TGFBR3: variants seen among roughly 807,000 people sequenced by gnomAD.
TGFBR3 encodes the protein transforming growth factor beta receptor type 3.
A neutral mutation model predicts 87.9 loss-of-function variants in TGFBR3; 46 were observed. That is an observed-to-expected ratio of 0.52 (90% CI 0.41 to 0.67). The LOEUF is 0.67. Among genes scored for constraint, TGFBR3 ranks in the 30% least tolerant of loss-of-function variants. The pLI, the probability that TGFBR3 is intolerant of heterozygous loss-of-function variation, is 0.00. For synonymous variants in TGFBR3, 381 were observed against 391.6 expected (o/e 0.97, Z 0.32); for missense variants, 866 against 1,041.9 (o/e 0.83, Z 2.32).
At chr1:91,737,914 A>T (rs1183396831) in intron 4 of TGFBR3, among the ~76,000 whole-genome samples, 1 of 152,198 alleles carries the variant, frequency 6.6e-6, no homozygotes, top group African/African-American at 2.4e-5. Flanking sequence ...TATTTGGCCA[A>T]ACATTATTCT....
chr1:91,749,302 T>G (rs766408851), intron 4 of TGFBR3, among the ~76,000 whole-genome samples: 3 of 152,142 alleles, frequency 2.0e-5, no homozygotes, highest in Non-Finnish European at 2.9e-5. Flanking sequence ...GAAGACCCCC[T>G]GACTTCCAGG....
intron 4 of TGFBR3, among the ~76,000 whole-genome samples, chr1:91,737,885 T>G (rs369392569): frequency 1.1e-4 from 17 of 152,244 alleles, no homozygotes; most frequent in African/African-American, 4.1e-4. Flanking sequence ...TCAACTTGAC[T>G]GGGCCACAGG....
chr1:91,694,755 C>A (rs1056037545), intron 16 of TGFBR3, among the ~76,000 whole-genome samples: 1 of 152,156 alleles, frequency 6.6e-6, no homozygotes, highest in Non-Finnish European at 1.5e-5. Context: ...TTGCCTCTGA[C>A]GGATCAATCT....
intron 3 of TGFBR3, among the ~76,000 whole-genome samples, chr1:91,776,220 G>A (rs943718047): frequency 1.3e-5 from 2 of 152,336 alleles, no homozygotes; most frequent in African/African-American, 4.8e-5. Flanking sequence ...AATGGGAGCG[G>A]GAGCAAGGGA....
Position 91,716,639 on chromosome 1 carries a change from C to T in TGFBR3, c.1636G>A (p.Gly546Ser). ...ATATCTCCCGGAAATCCATTATCAC[C>T]TGACTCCAGATCTTCATAACCATCT... The part of the protein sequence containing the change: ...WPDGYEDLES[G>S]DNGFPGDMDE... The change falls in exon 11 of 17, where the codon GGT (glycine) becomes AGT (serine). Residue 546 changes from glycine (G) to serine (S), a missense_variant. By Grantham distance (56) the Gly-to-Ser change is moderately conservative. Coordinates refer to ENST00000212355, the MANE Select transcript of TGFBR3 (RefSeq NM_003243.5). 6.2e-7 allele frequency: 1 copy of T among 1,614,152 alleles called. No individual in the cohort carries two copies. The highest frequency in any genetic ancestry group is 8.5e-7 in the Non-Finnish European group (1 of 1,180,008).
intron 2 of TGFBR3, among the ~76,000 whole-genome samples, chr1:91,845,479 T>C (rs1009799471): frequency 3.9e-5 from 6 of 152,234 alleles, no homozygotes; most frequent in African/African-American, 1.4e-4. Flanking sequence ...GCTGTCTCCG[T>C]TGCCTTCAGA....
intron 1 of TGFBR3, among the ~76,000 whole-genome samples, chr1:91,865,913 C>CAAA (rs11330651): frequency 9.2e-6 from 1 of 108,844 alleles, no homozygotes; most frequent in Admixed American, 9.2e-5. Context: ...CTACGTCTCC[C>CAAA]AAAAAAAAAA....
At chr1:91,684,384 C>T (rs1321107299) in intron 16 of TGFBR3, among the ~76,000 whole-genome samples, 1 of 152,168 alleles carries the variant, frequency 6.6e-6, no homozygotes. Context: ...GTAGAGAGAG[C>T]CTTGTGTGCC....
At chr1:91,878,622 C>T (rs1243978051) in intron 1 of TGFBR3, among the ~76,000 whole-genome samples, 2 of 152,166 alleles carry the variant, frequency 1.3e-5, no homozygotes, top group Admixed American at 1.3e-4. Context: ...TGCAGACCTT[C>T]GCCCAAGGCA....
At chr1:91,701,556 A>T (rs1671621022) in intron 14 of TGFBR3, among the ~76,000 whole-genome samples, 1 of 152,222 alleles carries the variant, frequency 6.6e-6, no homozygotes, top group Non-Finnish European at 1.5e-5. Context: ...TCTGAATTAA[A>T]TCTTTTCATA....
upstream of TGFBR3, among the ~76,000 whole-genome samples, chr1:91,888,643 A>G (rs1450009006): frequency 1.3e-5 from 2 of 152,142 alleles, no homozygotes; most frequent in African/African-American, 4.8e-5. Flanking sequence ...CAGAGGTTGC[A>G]GTGAGCTGAG....
chr1:91,695,728 G>C lies in TGFBR3; in HGVS notation c.2381C>G (p.Ala794Gly), dbSNP rs887809188. ...CGTCAGGAGTGCTCCGATCACAAAG[G>C]CTGCAAACGCAATGCCCATCACGGT... Reference protein sequence around the residue: ...TLTVMGIAFAAFVIGALLTGA... With the variant: ...TLTVMGIAFAGFVIGALLTGA... Residue 794 changes from alanine (A) to glycine (G), a missense_variant, in exon 16 of 17, where the codon GCC becomes GGC. Physicochemically the swap from Ala to Gly is moderately conservative, Grantham distance 60. Coordinates refer to ENST00000212355, the MANE Select transcript of TGFBR3 (RefSeq NM_003243.5). The C allele has an allele frequency of 1.2e-6, 2 of 1,614,172 alleles. No homozygotes were observed. Among genetic ancestry groups the C allele is most frequent in the Admixed American group, 3.3e-5 (2 of 60,020 alleles).
intron 3 of TGFBR3, among the ~76,000 whole-genome samples, chr1:91,793,475 C>T (rs141404863): frequency 2.3e-3 from 356 of 152,158 alleles, no homozygotes; most frequent in African/African-American, 4.3e-3. Flanking sequence ...TTGTAAGTAA[C>T]GGCACTTATT....
At chr1:91,886,385 G>GCTTC, upstream of TGFBR3, 1 of 339,690 alleles carries the variant, frequency 2.9e-6, no homozygotes, top group South Asian at 2.2e-5. Flanking sequence ...TCGAGCCTGT[G>GCTTC]CTTCCCTTCG....
intron 7 of TGFBR3, among the ~76,000 whole-genome samples, chr1:91,726,154 G>A (rs567213154): frequency 6.6e-6 from 1 of 152,220 alleles, no homozygotes; most frequent in South Asian, 2.1e-4. Context: ...ATGAGAGATG[G>A]GGACATTCAA....
chr1:91,897,695 G>A (rs1679580998), intron 2 of TGFBR3, among the ~76,000 whole-genome samples: 1 of 152,122 alleles, frequency 6.6e-6, no homozygotes, highest in Non-Finnish European at 1.5e-5. Flanking sequence ...TATTACTATT[G>A]TGTGGGCCGA....
At chr1:91,894,718 G>A (rs530359989) in intron 2 of TGFBR3, among the ~76,000 whole-genome samples, 1 of 152,326 alleles carries the variant, frequency 6.6e-6, no homozygotes, top group East Asian at 1.9e-4. Flanking sequence ...CTGCTCCCAG[G>A]ATCTAAATGT....
intron 6 of TGFBR3, 141 bp downstream of exon 6, chr1:91,729,663 TC>T: frequency 2.1e-6 from 2 of 947,200 alleles, no homozygotes; most frequent in Non-Finnish European, 3.4e-6. Flanking sequence ...ATGGCTACCT[TC>T]CCTCCTGCGT....
chr1:91,756,681 G>C (rs921850552), intron 4 of TGFBR3, among the ~76,000 whole-genome samples: 6 of 152,108 alleles, frequency 3.9e-5, no homozygotes, highest in South Asian at 4.1e-4. Flanking sequence ...CCCAGAAAAG[G>C]CTACAATAAA....
Sources: allele counts gnomAD v4.1 joint callset (sites outside exome capture counted in the v4.1 genomes callset), GRCh38; gene constraint gnomAD v4.1.1; transcripts MANE v1.5; gene names NCBI Gene and HGNC (gene_info 2026-07-23, HGNC 2026-07-21).